ZNF280B: variants seen among roughly 807,000 people sequenced by gnomAD.
The protein encoded by ZNF280B is suppressor of hairy wing homolog 2.
Under a neutral mutation model 38.0 loss-of-function variants are expected in ZNF280B, and 16 were observed. The ratio of observed to expected loss-of-function variants is 0.42; its 90% confidence interval spans 0.28 to 0.64. The LOEUF is 0.64. ZNF280B is among the 30% of genes least tolerant of loss of function. The pLI is 0.21. For synonymous variants in ZNF280B, 253 were observed against 230.6 expected (o/e 1.10, Z -0.88); for missense variants, 581 against 639.6 (o/e 0.91, Z 0.99).
intron 3 of ZNF280B, among the ~76,000 whole-genome samples, chr22:22,492,213 A>G (rs969366556): frequency 6.6e-6 from 1 of 151,904 alleles, no homozygotes. Context: ...ATGCCAGAAA[A>G]AATATAAGGC....
rs143090376 is a variant in ZNF280B, at chr22:22,501,262, A to G, written c.-187+6548T>C. ...TATGCGTTTTTACCACAATAAAACAATTCATTTTAAAAACAGGCCCCAATC... is the reference window on the plus strand; with the variant it reads ...TATGCGTTTTTACCACAATAAAACAGTTCATTTTAAAAACAGGCCCCAATC... On this transcript the variant is annotated intron_variant, in intron 2 of 3. Transcript: ENST00000626650. Among the ~76,000 whole-genome samples, 522 of 151,958 alleles carry G rather than the reference A, an allele frequency of 3.4e-3. 1 individual carries two copies. The highest frequency in any genetic ancestry group is 7.0e-3 in the Middle Eastern group (2 of 284).
At position 22,485,717 on chromosome 22, in the gene ZNF280B, G is replaced by A. The variant is rs1402380383; in HGVS notation, c.*2050C>T. 4 of 151,928 alleles carry A rather than the reference G, an allele frequency of 2.6e-5. No individual in the cohort carries two copies. The highest frequency in any genetic ancestry group is 2.1e-4 in the South Asian group (1 of 4,814). 9.4% of individuals were successfully genotyped at this position (151,928 alleles called of 1,614,324 possible). A position where few individuals can be genotyped will look rare whatever the true frequency, so the allele number is the denominator to read the frequency against. On this transcript the variant is annotated 3_prime_UTR_variant, in exon 4 of 4. Coordinates refer to ENST00000626650, the MANE Select transcript of ZNF280B (RefSeq NM_080764.4). ...AGATTGAGGAGGGAAGAAAGGAGTG[G>A]GGAGAGATAAGGTACCTTTAAAAAG...
At position 22,487,158 on chromosome 22, in the gene ZNF280B, T is replaced by C. The variant is rs1375931762; in HGVS notation, c.*609A>G. On this transcript the variant is annotated 3_prime_UTR_variant, in exon 4 of 4. Coordinates refer to ENST00000626650, the MANE Select transcript of ZNF280B (RefSeq NM_080764.4). ...TAACATGAAATACCAAAACAATAAA[T>C]AGGTGCCAGGGGCAGTGACTCACAC... The C allele has an allele frequency of 6.6e-6, 1 of 151,646 alleles. No homozygotes were observed. Among genetic ancestry groups the C allele is most frequent in the Non-Finnish European group, 1.5e-5 (1 of 67,942 alleles). The allele number at this position is 151,646 out of a possible 1,614,324, so 9.4% of individuals were successfully genotyped here.
At position 22,484,454 on chromosome 22, in the gene ZNF280B, A is replaced by G. The variant is rs575854240; in HGVS notation, c.*3313T>C. 6.6e-6 allele frequency: 1 copy of G among 152,578 alleles called. No homozygotes were observed. Among genetic ancestry groups the G allele is most frequent in the South Asian group, 2.1e-4 (1 of 4,820 alleles). The allele number at this position is 152,578 out of a possible 1,614,324, so 9.5% of individuals were successfully genotyped here. A position where few individuals can be genotyped will look rare whatever the true frequency, so the allele number is the denominator to read the frequency against. On this transcript the variant is annotated 3_prime_UTR_variant, in exon 4 of 4. Coordinates refer to ENST00000626650, the MANE Select transcript of ZNF280B (RefSeq NM_080764.4). ...ACAAAACATTTTATTACTATAATTG[A>G]TATTTTACTTATAATTTTTGGCAAC...
chr22:22,505,303 C>T (rs992660166), intron 2 of ZNF280B, among the ~76,000 whole-genome samples: 2 of 151,968 alleles, frequency 1.3e-5, no homozygotes, highest in Non-Finnish European at 1.5e-5. Context: ...TGGTGGCTCA[C>T]ATCTGTAATC....
intron 3 of ZNF280B, among the ~76,000 whole-genome samples, 169 bp downstream of exon 3, chr22:22,493,894 G>A (rs1459092841): frequency 1.3e-5 from 2 of 151,858 alleles, no homozygotes; most frequent in Non-Finnish European, 2.9e-5. Context: ...TTATGCTATG[G>A]GCTGAACTGT....
chr22:22,492,233 T>C (rs554742936), intron 3 of ZNF280B, among the ~76,000 whole-genome samples: 1 of 152,094 alleles, frequency 6.6e-6, no homozygotes, highest in South Asian at 2.1e-4. Context: ...CAGATATGAA[T>C]ACACTGCTCT....
In ZNF280B at chr22:22,487,598, A is replaced by G; in HGVS notation, c.*169T>C. 1.8e-6 allele frequency: 1 copy of G among 555,350 alleles called. No homozygotes were observed. The highest frequency in any genetic ancestry group is 3.0e-6 in the Non-Finnish European group (1 of 335,468). 34.4% of individuals were successfully genotyped at this position (555,350 alleles called of 1,614,324 possible). The stretch of plus-strand genomic sequence containing the variant: ...CCAGATGTTTTAAAATAATACCTCA[A>G]AATTCAGATCAAATAATATATATCC... On this transcript the variant is annotated 3_prime_UTR_variant, in exon 4 of 4. Coordinates refer to ENST00000626650, the MANE Select transcript of ZNF280B (RefSeq NM_080764.4).
chr22:22,490,065 T>TTCTAACTC lies in ZNF280B; in HGVS notation c.-68-600_-68-599insGAGTTAGA, dbSNP rs1448293713. ...GAAAAGAGGTATTAAATTTATAGAGTTAGAGTACCTACACATAACCAACAA... is the reference window on the plus strand; with the variant it reads ...GAAAAGAGGTATTAAATTTATAGAGTTCTAACTCTAGAGTACCTACACATAACCAACAA... On this transcript the variant is annotated intron_variant, in intron 3 of 3. Coordinates refer to ENST00000626650, the MANE Select transcript of ZNF280B (RefSeq NM_080764.4). Among the ~76,000 whole-genome samples, 49 of 151,954 alleles carry TTCTAACTC rather than the reference T, an allele frequency of 3.2e-4. 1 individual carries two copies. The South Asian group carries it at 0.01, about 32-fold the overall frequency.
In ZNF280B at chr22:22,485,160, C is replaced by CT. The variant is rs1394003282; in HGVS notation, c.*2606dup. On this transcript the variant is annotated 3_prime_UTR_variant, in exon 4 of 4. Transcript: ENST00000626650. ...TAGGCAGGGGCCAGATCACTGGAAT[C>CT]TACAGTTGGCAATTAATGACCATAT... The CT allele has an allele frequency of 6.6e-6, 1 of 151,966 alleles. No homozygotes were observed. The highest frequency in any genetic ancestry group is 2.4e-5 in the African/African-American group (1 of 41,374). 9.4% of individuals were successfully genotyped at this position (151,966 alleles called of 1,614,324 possible).
At chr22:22,489,509 C>A (rs1182948987) in intron 3 of ZNF280B, 43 bp from the exon 4 acceptor site, 2 of 929,306 alleles carry the variant, frequency 2.2e-6, no homozygotes, top group Non-Finnish European at 1.6e-6. Context: ...AAATGCATTA[C>A]CTTATTTAAT....
In ZNF280B at chr22:22,485,110, G is replaced by C. The variant is rs2061487832; in HGVS notation, c.*2657C>G. On this transcript the variant is annotated 3_prime_UTR_variant, in exon 4 of 4. Transcript: ENST00000626650. The stretch of plus-strand genomic sequence containing the variant: ...GGGAAAACAGTGGAGAAGCATGACA[G>C]AGAATGAAAAAGAGAGGAAGGAGGT... 6.6e-6 allele frequency: 1 copy of C among 152,238 alleles called. No individual in the cohort carries two copies. The highest frequency in any genetic ancestry group is 2.4e-5 in the African/African-American group (1 of 41,370). The allele number at this position is 152,238 out of a possible 1,614,324, so 9.4% of individuals were successfully genotyped here.
In ZNF280B at chr22:22,488,910, T is replaced by A. The variant is rs567791951; in HGVS notation, c.489A>T (p.Gly163=). 1.9e-5 allele frequency: 31 copies of A among 1,613,700 alleles called. No homozygotes were observed. In the South Asian group the frequency reaches 3.4e-4, roughly 18 times the overall value. Residue 163 remains glycine (G), a synonymous_variant, in exon 4 of 4, where the codon GGA becomes GGT. Coordinates refer to ENST00000626650, the MANE Select transcript of ZNF280B (RefSeq NM_080764.4). The part of the protein sequence containing the change: ...HHPVSTALSV[G]GINESPRVSK... Reference sequence around the variant, plus strand: ...ATACACGAGGACTTTCATTTATACCTCCTACTGAAAGTGCTGTACTTACTG... The same window carrying A: ...ATACACGAGGACTTTCATTTATACCACCTACTGAAAGTGCTGTACTTACTG...
rs570087256 is a variant in ZNF280B, at chr22:22,487,546, T to C, written c.*221A>G. On this transcript the variant is annotated 3_prime_UTR_variant, in exon 4 of 4. Coordinates refer to ENST00000626650, the MANE Select transcript of ZNF280B (RefSeq NM_080764.4). ...CACACACACAAACACCTTTTATGTGTTAAGCCAGATACAGTTAACATGAAA... is the reference window on the plus strand; with the variant it reads ...CACACACACAAACACCTTTTATGTGCTAAGCCAGATACAGTTAACATGAAA... 1 of 438,152 alleles carries C rather than the reference T, an allele frequency of 2.3e-6. No homozygotes were observed. Among genetic ancestry groups the C allele is most frequent in the South Asian group, 6.6e-5 (1 of 15,236 alleles). 27.1% of individuals were successfully genotyped at this position (438,152 alleles called of 1,614,324 possible). A position where few individuals can be genotyped will look rare whatever the true frequency, so the allele number is the denominator to read the frequency against.
intron 2 of ZNF280B, among the ~76,000 whole-genome samples, chr22:22,501,356 GGAGTTTGAGACCA>G (rs2061821092): frequency 6.6e-6 from 1 of 151,698 alleles, no homozygotes; most frequent in Non-Finnish European, 1.5e-5. Context: ...CTTACAGTCA[GGAGTTTGAGACCA>G]GCCTGGCCAA....
rs1243236527 is a variant in ZNF280B, at chr22:22,501,219, G to T, written c.-187+6591C>A. On this transcript the variant is annotated intron_variant, in intron 2 of 3. Coordinates refer to ENST00000626650, the MANE Select transcript of ZNF280B (RefSeq NM_080764.4). ...ACTACTGAACTATTAATTTAGAAAT[G>T]GTTAAGGTGGTAAATTATATGCGTT... is the stretch of plus-strand genomic sequence containing the variant. 3.3e-5 allele frequency among the ~76,000 whole-genome samples: 5 copies of T among 151,676 alleles called. No homozygotes were observed. The East Asian group carries it at 7.9e-4, about 24-fold the overall frequency.
chr22:22,501,019 C>CAAAAAAAAAAA (rs56907724), intron 2 of ZNF280B, among the ~76,000 whole-genome samples: 5 of 60,256 alleles, frequency 8.3e-5, no homozygotes, highest in Admixed American at 2.2e-4. Flanking sequence ...GACTCCGTCT[C>CAAAAAAAAAAA]AAAAAAAAAA....
Position 22,489,004 on chromosome 22 carries a change from TGTG to T in ZNF280B, c.392_394del (p.Pro131del). The T allele has an allele frequency of 6.2e-7, 1 of 1,613,810 alleles. No individual in the cohort carries two copies. On this transcript the variant is annotated inframe_deletion, in exon 4 of 4. Coordinates refer to ENST00000626650, the MANE Select transcript of ZNF280B (RefSeq NM_080764.4). The stretch of plus-strand genomic sequence containing the variant: ...TTCTGAAGAGTTATTAGGCACAACT[TGTG>T]GTGAACTATTTCTATAATCAGGTTT...
In ZNF280B at chr22:22,487,806, G is replaced by A. The variant is rs1383282140; in HGVS notation, c.1593C>T (p.Leu531=). 2 of 1,605,156 alleles carry A rather than the reference G, an allele frequency of 1.2e-6. No individual in the cohort carries two copies. The highest frequency in any genetic ancestry group is 1.7e-6 in the Non-Finnish European group (2 of 1,176,870). The change falls in exon 4 of 4, where the codon CTC becomes CTT. Residue 531 remains leucine (L), a synonymous_variant. Coordinates refer to ENST00000626650, the MANE Select transcript of ZNF280B (RefSeq NM_080764.4). ...TVSTSDSEPS[L]PRSKSKISKK... Reference sequence around the variant, plus strand: ...TTGAAATTTTGCTTTTAGACCTGGGGAGTGATGGTTCAGAGTCAGATGTGC... The same window carrying A: ...TTGAAATTTTGCTTTTAGACCTGGGAAGTGATGGTTCAGAGTCAGATGTGC...
Sources: allele counts gnomAD v4.1 joint callset (sites outside exome capture counted in the v4.1 genomes callset), GRCh38; gene constraint gnomAD v4.1.1; transcripts MANE v1.5; gene names NCBI Gene and HGNC (gene_info 2026-07-23, HGNC 2026-07-21).